USP9X: variants seen among roughly 807,000 people sequenced by gnomAD.
USP9X encodes ubiquitin specific peptidase 9 X-linked.
In USP9X, 7 loss-of-function variants were observed where a neutral mutation model predicts 190.3. That is an observed-to-expected ratio of 0.04 (90% CI 0.02 to 0.07). The LOEUF (loss-of-function observed/expected upper bound fraction) is 0.07. USP9X is among the 10% of genes least tolerant of loss of function. The pLI, the probability that USP9X is intolerant of heterozygous loss-of-function variation, is 1.00. For synonymous variants in USP9X, 645 were observed against 659.5 expected (o/e 0.98, Z 0.34); for missense variants, 1,010 against 1,916.9 (o/e 0.53, Z 8.83).
intron 36 of USP9X, among the ~76,000 whole-genome samples, chrX:41,217,708 A>G: frequency 9.0e-6 from 1 of 111,198 alleles, no homozygotes; most frequent in Non-Finnish European, 1.9e-5. Flanking sequence ...CAACATAGTG[A>G]GACCCCCATC....
intron 33 of USP9X, among the ~76,000 whole-genome samples, chrX:41,213,164 G>T (rs889571417): frequency 1.6e-4 from 18 of 111,385 alleles, no homozygotes; most frequent in Non-Finnish European, 2.6e-4. Context: ...GGGCATGGGG[G>T]TGGACTCCTG....
At chrX:41,096,107 T>C (rs1314429793) in intron 1 of USP9X, among the ~76,000 whole-genome samples, 1 of 112,256 alleles carries the variant, frequency 8.9e-6, no homozygotes, top group Admixed American at 9.4e-5. Flanking sequence ...TGAAAGGTCA[T>C]TGAGAGAAGG....
intron 1 of USP9X, among the ~76,000 whole-genome samples, chrX:41,113,442 G>A (rs1471482896): frequency 9.0e-6 from 1 of 111,164 alleles, no homozygotes; most frequent in Non-Finnish European, 1.9e-5. Flanking sequence ...TTTGTGATCT[G>A]CCCGCCTCGG....
intron 2 of USP9X, 41 bp from the exon 3 acceptor site, chrX:41,128,959 T>C: frequency 8.6e-7 from 1 of 1,169,394 alleles, no homozygotes; most frequent in Non-Finnish European, 1.2e-6. Flanking sequence ...TTTACATATG[T>C]TATAGAAACT....
At chrX:41,095,460 G>A (rs963802606) in intron 1 of USP9X, among the ~76,000 whole-genome samples, 2 of 112,356 alleles carry the variant, frequency 1.8e-5, no homozygotes, top group African/African-American at 6.5e-5. Flanking sequence ...GATGCCAGTG[G>A]TATAGCCCCT....
At chrX:41,219,472 A>G (rs1488540307) in intron 38 of USP9X, among the ~76,000 whole-genome samples, 2 of 107,111 alleles carry the variant, frequency 1.9e-5, no homozygotes, top group Non-Finnish European at 3.8e-5. Context: ...CTCCTAATGC[A>G]GTGGTGCCAA....
rs149229008 is a variant in USP9X, at chrX:41,209,931, A to G, written c.5016-578A>G. Reference sequence around the variant, plus strand: ...TTTCCAGCAGTGCCTGAGTTTTAGCAGTATGAGTTCTCATTTTTGTGGTAT... The same window carrying G: ...TTTCCAGCAGTGCCTGAGTTTTAGCGGTATGAGTTCTCATTTTTGTGGTAT... On this transcript the variant is annotated intron_variant, in intron 32 of 44. Coordinates refer to ENST00000378308, the MANE Select transcript of USP9X (RefSeq NM_001039591.3). Among the ~76,000 whole-genome samples, 718 of 111,983 alleles carry G rather than the reference A, an allele frequency of 6.4e-3. 5 individuals carry two copies. The highest frequency in any genetic ancestry group is 0.028 in the Middle Eastern group (6 of 218).
chrX:41,197,352 C>CCCCCGGGGGGGGGGGGGG lies in USP9X; in HGVS notation c.4234-12_4234-11insCCCCGGGGGGGGGGGGGG. On this transcript the variant is annotated splice_polypyrimidine_tract_variant and intron_variant, in intron 28 of 44. Coordinates refer to ENST00000378308, the MANE Select transcript of USP9X (RefSeq NM_001039591.3). Reference sequence around the variant, plus strand: ...TTCTTCCCCCCCCCACCCCACCCCCCGCCTTTGGCAGGATGATGTTAAAAG... The same window carrying CCCCCGGGGGGGGGGGGGG: ...TTCTTCCCCCCCCCACCCCACCCCCCCCCCGGGGGGGGGGGGGGGCCTTTGGCAGGATGATGTTAAAAG... 1 of 988,227 alleles carries CCCCCGGGGGGGGGGGGGG rather than the reference C, an allele frequency of 1.0e-6. No individual in the cohort carries two copies. The highest frequency in any genetic ancestry group is 1.3e-6 in the Non-Finnish European group (1 of 759,394). 81.4% of individuals were successfully genotyped at this position (988,227 alleles called of 1,213,427 possible). A position where few individuals can be genotyped will look rare whatever the true frequency, so the allele number is the denominator to read the frequency against.
chrX:41,182,557 GTCT>G, intron 21 of USP9X, among the ~76,000 whole-genome samples: 1 of 110,854 alleles, frequency 9.0e-6, no homozygotes, highest in South Asian at 3.8e-4. Context: ...TGTATGTCAA[GTCT>G]TTGGGCATTA....
At chrX:41,146,991 T>C (rs932965315) in intron 11 of USP9X, among the ~76,000 whole-genome samples, 13 of 111,424 alleles carry the variant, frequency 1.2e-4, no homozygotes, top group African/African-American at 4.2e-4. Context: ...CTTCCAGTTG[T>C]CTTAGATCAT....
chrX:41,199,898 A>G (rs1051510427), intron 30 of USP9X, among the ~76,000 whole-genome samples: 1 of 111,800 alleles, frequency 8.9e-6, no homozygotes, highest in East Asian at 2.8e-4. Flanking sequence ...CACCAGGCGC[A>G]TGAATAGGCT....
chrX:41,175,134 C>T (rs1602001107), intron 21 of USP9X, among the ~76,000 whole-genome samples: 1 of 111,897 alleles, frequency 8.9e-6, no homozygotes, highest in African/African-American at 3.2e-5. Flanking sequence ...GAAATGATCT[C>T]GTTTGGCCAG....
At chrX:41,216,738 T>C (rs2063215445) in intron 35 of USP9X, 86 bp downstream of exon 35, 1 of 1,026,171 alleles carries the variant, frequency 9.7e-7, no homozygotes, top group African/African-American at 1.9e-5. Flanking sequence ...AAATTAATGT[T>C]TTCACTTTAA....
intron 32 of USP9X, among the ~76,000 whole-genome samples, chrX:41,208,377 CTT>C (rs778743576): frequency 1.8e-5 from 2 of 112,073 alleles, no homozygotes; most frequent in South Asian, 7.3e-4. Context: ...AATTTTTTCT[CTT>C]GTAATGCCTT....
chrX:41,159,086 G>A (rs1478461979), intron 14 of USP9X, among the ~76,000 whole-genome samples: 1 of 111,291 alleles, frequency 9.0e-6, no homozygotes, highest in Non-Finnish European at 1.9e-5. Context: ...GCATTAGCCA[G>A]GATAACTAGG....
At chrX:41,101,655 C>T (rs928852627) in intron 1 of USP9X, among the ~76,000 whole-genome samples, 1 of 109,483 alleles carries the variant, frequency 9.1e-6, no homozygotes, top group African/African-American at 3.3e-5. Flanking sequence ...GGCGACTGAG[C>T]AAGACTCCGT....
intron 13 of USP9X, among the ~76,000 whole-genome samples, chrX:41,152,002 A>G (rs1246177065): frequency 1.8e-5 from 2 of 111,736 alleles, no homozygotes; most frequent in African/African-American, 6.5e-5. Context: ...AACAAAACCA[A>G]AAAACATGTT....
chrX:41,194,781 G>T (rs1186762973), intron 26 of USP9X, among the ~76,000 whole-genome samples: 1 of 111,196 alleles, frequency 9.0e-6, no homozygotes, highest in Non-Finnish European at 1.9e-5. Flanking sequence ...AATGGAGATA[G>T]ACTACACATT....
intron 1 of USP9X, among the ~76,000 whole-genome samples, chrX:41,097,656 A>C (rs922229086): frequency 1.8e-5 from 2 of 112,225 alleles, no homozygotes; most frequent in Non-Finnish European, 3.8e-5. Context: ...ATTAGAAGAG[A>C]GGCATTGTTT....
Sources: allele counts gnomAD v4.1 joint callset (sites outside exome capture counted in the v4.1 genomes callset), GRCh38; gene constraint gnomAD v4.1.1; transcripts MANE v1.5; gene names NCBI Gene and HGNC (gene_info 2026-07-23, HGNC 2026-07-21).